The following CFAP90 variants were observed in gnomAD, a reference collection of about 807,000 sequenced individuals.
The protein encoded by CFAP90 is cilia and flagella associated protein 90, also known as cilia- and flagella-associated protein 90.
chr5:7,834,054 C>T, the CFAP90 span, among the ~76,000 whole-genome samples: 3 of 152,048 alleles, frequency 2.0e-5, no homozygotes. Context: ...TAAGAGTGTA[C>T]CCCTTCAACT....
chr5:7,837,615 A>G, the CFAP90 span, among the ~76,000 whole-genome samples: 1 of 152,216 alleles, frequency 6.6e-6, no homozygotes, highest in South Asian at 2.1e-4. Context: ...AGCATAACGT[A>G]GCTTTGGCCA....
At chr5:7,834,685 A>G in the CFAP90 span, among the ~76,000 whole-genome samples, 1 of 152,144 alleles carries the variant, frequency 6.6e-6, no homozygotes, top group African/African-American at 2.4e-5. Flanking sequence ...CTATATTTTT[A>G]CTGTACCTTT....
chr5:7,848,606 T>C, the CFAP90 span, among the ~76,000 whole-genome samples: 44 of 152,292 alleles, frequency 2.9e-4, no homozygotes, highest in Admixed American at 1.0e-3. Context: ...CCTGTGTCCC[T>C]TTACATCATC....
the CFAP90 span, chr5:7,850,869 C>T: frequency 1.5e-6 from 2 of 1,320,600 alleles, no homozygotes; most frequent in Middle Eastern, 2.5e-4. Context: ...AGTCCGCGGT[C>T]CTCACCCGCG....
chr5:7,843,631 C>A, the CFAP90 span, among the ~76,000 whole-genome samples: 1 of 152,092 alleles, frequency 6.6e-6, no homozygotes, highest in African/African-American at 2.4e-5. Flanking sequence ...TCCACTGATA[C>A]CAGCTCCCTA....
At chr5:7,841,583 C>T in the CFAP90 span, among the ~76,000 whole-genome samples, 2 of 152,278 alleles carry the variant, frequency 1.3e-5, no homozygotes, top group African/African-American at 4.8e-5. Context: ...CCTAAATGCC[C>T]ATCAATGATA....
the CFAP90 span, chr5:7,835,444 G>A: frequency 6.2e-7 from 1 of 1,606,804 alleles, no homozygotes; most frequent in Non-Finnish European, 8.5e-7. Flanking sequence ...TGCAACTTCT[G>A]ATCATAATCT....
the CFAP90 span, chr5:7,831,765 A>C: frequency 2.2e-6 from 3 of 1,337,652 alleles, no homozygotes; most frequent in Non-Finnish European, 3.1e-6. Flanking sequence ...AGAAGGGGAA[A>C]GGAGGCTCCA....
At chr5:7,835,415 A>C in the CFAP90 span, 1 of 1,604,230 alleles carries the variant, frequency 6.2e-7, no homozygotes, top group Non-Finnish European at 8.5e-7. Flanking sequence ...GGCTTTTTGC[A>C]TGTTCTCTGT....
chr5:7,844,003 C>T, the CFAP90 span, among the ~76,000 whole-genome samples: 1 of 152,180 alleles, frequency 6.6e-6, no homozygotes, highest in Non-Finnish European at 1.5e-5. Context: ...ATGGATTCCT[C>T]ACTCTCGGTG....
the CFAP90 span, among the ~76,000 whole-genome samples, chr5:7,849,829 T>C: frequency 6.6e-6 from 1 of 151,998 alleles, no homozygotes; most frequent in Non-Finnish European, 1.5e-5. Context: ...GGCAGAGGGT[T>C]TCCCGCGCCC....
At chr5:7,844,600 G>T in the CFAP90 span, among the ~76,000 whole-genome samples, 2 of 152,204 alleles carry the variant, frequency 1.3e-5, no homozygotes, top group Admixed American at 6.5e-5. Flanking sequence ...ATAGGCAAAA[G>T]GAGAAAAATA....
the CFAP90 span, among the ~76,000 whole-genome samples, chr5:7,834,538 G>T: frequency 6.6e-6 from 1 of 152,200 alleles, no homozygotes; most frequent in Middle Eastern, 3.4e-3. Flanking sequence ...GAAGTCTACG[G>T]TAGTGTACAG....
the CFAP90 span, among the ~76,000 whole-genome samples, chr5:7,843,394 G>A: frequency 6.6e-6 from 1 of 152,134 alleles, no homozygotes; most frequent in Non-Finnish European, 1.5e-5. Flanking sequence ...AAGATTCTAT[G>A]TCCTCTCCTG....
At chr5:7,835,329 A>C in the CFAP90 span, 1 of 987,066 alleles carries the variant, frequency 1.0e-6, no homozygotes, top group Non-Finnish European at 1.6e-6. Context: ...ATATGCCTCT[A>C]TAAAGTTTTG....
the CFAP90 span, among the ~76,000 whole-genome samples, chr5:7,840,206 T>G: frequency 6.6e-6 from 1 of 152,236 alleles, no homozygotes; most frequent in Non-Finnish European, 1.5e-5. Flanking sequence ...ATTGTTAAAA[T>G]GTAGCATGGC....
At chr5:7,838,845 A>T in the CFAP90 span, among the ~76,000 whole-genome samples, 1 of 152,176 alleles carries the variant, frequency 6.6e-6, no homozygotes, top group Non-Finnish European at 1.5e-5. Flanking sequence ...CTGCACCCTG[A>T]GAACCTTGTG....
chr5:7,840,925 G>A, the CFAP90 span, among the ~76,000 whole-genome samples: 1 of 152,120 alleles, frequency 6.6e-6, no homozygotes, highest in Non-Finnish European at 1.5e-5. Context: ...GCCTGGAACA[G>A]AGCCTTCCCT....
At chr5:7,850,997 T>C in the CFAP90 span, 1 of 1,284,854 alleles carries the variant, frequency 7.8e-7, no homozygotes, top group Non-Finnish European at 9.8e-7. Context: ...GTGGACGCGG[T>C]GGTCTCCTCC....
Sources: gnomAD v4.1 joint callset for allele counts (sites outside exome capture counted in the v4.1 genomes callset) on GRCh38, gnomAD v4.1.1 for gene constraint, MANE v1.5 for transcripts, NCBI Gene and HGNC (gene_info 2026-07-23, HGNC 2026-07-21) for gene names.